Variants in MARCHF3 observed in about 807,000 individuals in gnomAD.
The protein encoded by MARCHF3 is E3 ubiquitin-protein ligase MARCHF3.
Under a neutral mutation model 24.2 loss-of-function variants are expected in MARCHF3, and 13 were observed. That is an observed-to-expected ratio of 0.54 (90% CI 0.35 to 0.85). MARCHF3 has a LOEUF of 0.85. MARCHF3 is among the 40% of genes least tolerant of loss of function. The probability of loss-of-function intolerance (pLI) is 0.01; values close to 1 mark genes in which losing one functional copy is unlikely to be tolerated. For synonymous variants in MARCHF3, 144 were observed against 137.3 expected (o/e 1.05, Z -0.34); for missense variants, 276 against 325.0 (o/e 0.85, Z 1.16).
chr5:126,884,740 C>T (rs1272823428), intron 3 of MARCHF3, among the ~76,000 whole-genome samples: 2 of 152,164 alleles, frequency 1.3e-5, no homozygotes, highest in Non-Finnish European at 2.9e-5. Flanking sequence ...TTCTCTCTGC[C>T]CCACTACTGA....
At chr5:126,899,006 TC>T (rs1754018396) in intron 3 of MARCHF3, 1 of 985,138 alleles carries the variant, frequency 1.0e-6, no homozygotes, top group South Asian at 4.7e-5. Context: ...TATTTCTCTT[TC>T]GTGTTTTACA....
chr5:126,960,193 T>A (rs1045557882), intron 1 of MARCHF3, among the ~76,000 whole-genome samples: 10 of 152,156 alleles, frequency 6.6e-5, no homozygotes, highest in African/African-American at 2.4e-4. Context: ...ATATCTTACA[T>A]AGAAAATTTC....
At chr5:127,011,705 A>G (rs985073016) in intron 1 of MARCHF3, among the ~76,000 whole-genome samples, 1 of 152,182 alleles carries the variant, frequency 6.6e-6, no homozygotes, top group Non-Finnish European at 1.5e-5. Flanking sequence ...GAAGATAAAT[A>G]AGATTTTAAG....
At chr5:127,022,645 C>T (rs1401074643) in intron 1 of MARCHF3, among the ~76,000 whole-genome samples, 1 of 152,160 alleles carries the variant, frequency 6.6e-6, no homozygotes, top group Non-Finnish European at 1.5e-5. Context: ...TCCCTTGAGT[C>T]CTCCCAACCC....
At chr5:126,921,107 A>G (rs1271530671) in intron 1 of MARCHF3, among the ~76,000 whole-genome samples, 1 of 151,936 alleles carries the variant, frequency 6.6e-6, no homozygotes, top group Admixed American at 6.6e-5. Context: ...AGTCCGGTCC[A>G]GCATTCCCTG....
chr5:126,889,737 T>C (rs1050982489), intron 3 of MARCHF3, among the ~76,000 whole-genome samples: 1 of 152,184 alleles, frequency 6.6e-6, no homozygotes, highest in Non-Finnish European at 1.5e-5. Context: ...TGACATTAGA[T>C]ACATCCTAGC....
At chr5:126,988,572 A>C (rs540458648) in intron 1 of MARCHF3, among the ~76,000 whole-genome samples, 13 of 152,360 alleles carry the variant, frequency 8.5e-5, no homozygotes, top group African/African-American at 2.9e-4. Flanking sequence ...TCTAACAGAC[A>C]GGAGAGTCAA....
chr5:126,932,142 T>C (rs753452162), intron 1 of MARCHF3, among the ~76,000 whole-genome samples: 14 of 152,276 alleles, frequency 9.2e-5, no homozygotes, highest in Non-Finnish European at 1.5e-4. Flanking sequence ...TTGCTTTTGC[T>C]ATTTCTGTTC....
chr5:127,019,807 G>T (rs1752737187), intron 1 of MARCHF3, among the ~76,000 whole-genome samples: 1 of 152,156 alleles, frequency 6.6e-6, no homozygotes, highest in Non-Finnish European at 1.5e-5. Context: ...GGAGTCTTTT[G>T]TTTTGTATGC....
intron 1 of MARCHF3, among the ~76,000 whole-genome samples, chr5:126,980,212 G>T (rs1421310666): frequency 6.6e-6 from 1 of 152,062 alleles, no homozygotes; most frequent in Non-Finnish European, 1.5e-5. Flanking sequence ...AAGTGGGCTG[G>T]GTGTGAATGT....
At chr5:126,968,706 C>T (rs560520514) in intron 1 of MARCHF3, among the ~76,000 whole-genome samples, 3 of 152,216 alleles carry the variant, frequency 2.0e-5, no homozygotes, top group East Asian at 3.9e-4. Context: ...TCCAGAGTAG[C>T]TGGGATTACA....
chr5:126,915,869 TGGCTG>T (rs1754711476), intron 2 of MARCHF3, among the ~76,000 whole-genome samples: 1 of 152,252 alleles, frequency 6.6e-6, no homozygotes, highest in Non-Finnish European at 1.5e-5. Context: ...AGAATCTGGC[TGGCTG>T]GGCTCAGACC....
chr5:126,880,587 A>C (rs971462768), intron 3 of MARCHF3, among the ~76,000 whole-genome samples: 2 of 152,246 alleles, frequency 1.3e-5, no homozygotes, highest in Non-Finnish European at 2.9e-5. Flanking sequence ...TTAATTTTAT[A>C]GAGGCTCAGT....
intron 3 of MARCHF3, among the ~76,000 whole-genome samples, chr5:126,897,190 C>T (rs1257949320): frequency 6.6e-6 from 1 of 151,800 alleles, no homozygotes; most frequent in East Asian, 1.9e-4. Context: ...CAGGCATGTG[C>T]CACCACGCCC....
intron 1 of MARCHF3, among the ~76,000 whole-genome samples, chr5:127,004,229 C>G (rs1039428943): frequency 1.3e-5 from 2 of 152,130 alleles, no homozygotes; most frequent in African/African-American, 4.8e-5. Context: ...AATGAATGAT[C>G]TGCTCCCTAT....
chr5:126,915,187 A>G (rs1754684220), intron 2 of MARCHF3, 53 bp from the exon 3 acceptor site: 2 of 1,568,882 alleles, frequency 1.3e-6, no homozygotes, highest in Non-Finnish European at 1.7e-6. Flanking sequence ...ACCTCCACCA[A>G]GTGGATGGCC....
intron 1 of MARCHF3, among the ~76,000 whole-genome samples, chr5:126,923,623 A>G (rs1749200245): frequency 6.6e-6 from 1 of 152,242 alleles, no homozygotes; most frequent in Admixed American, 6.5e-5. Context: ...ATAACAAACT[A>G]TAGAAATGAT....
chr5:126,943,808 C>CG (rs1375591727), intron 1 of MARCHF3, among the ~76,000 whole-genome samples: 3 of 151,874 alleles, frequency 2.0e-5, no homozygotes, highest in Non-Finnish European at 4.4e-5. Context: ...GATTCATGAA[C>CG]CCTTACTCTT....
intron 1 of MARCHF3, among the ~76,000 whole-genome samples, chr5:126,962,203 A>G (rs1750659596): frequency 6.6e-6 from 1 of 152,126 alleles, no homozygotes; most frequent in Non-Finnish European, 1.5e-5. Flanking sequence ...CAGGAGGCAC[A>G]CACACACCCT....
Sources: gnomAD v4.1 joint callset for allele counts (sites outside exome capture counted in the v4.1 genomes callset) on GRCh38, gnomAD v4.1.1 for gene constraint, MANE v1.5 for transcripts, NCBI Gene and HGNC (gene_info 2026-07-23, HGNC 2026-07-21) for gene names.